SNTG1: variants seen among roughly 807,000 people sequenced by gnomAD.
The protein encoded by SNTG1 is syntrophin gamma 1.
Under a neutral mutation model 74.7 loss-of-function variants are expected in SNTG1, and 39 were observed. The observed-to-expected ratio is 0.52, with a 90% confidence interval of 0.40 to 0.68. The LOEUF is 0.68. Among genes scored for constraint, SNTG1 ranks in the 30% least tolerant of loss-of-function variants. The pLI, the probability that SNTG1 is intolerant of heterozygous loss-of-function variation, is 0.00. For synonymous variants in SNTG1, 254 were observed against 217.1 expected (o/e 1.17, Z -1.49); for missense variants, 685 against 609.5 (o/e 1.12, Z -1.30).
At chr8:50,285,577 T>C (rs12676033) in intron 2 of SNTG1, among the ~76,000 whole-genome samples, 128,125 of 152,018 alleles carry the variant, frequency 0.84, 55,523 homozygotes, top group East Asian at 1. Flanking sequence ...GCATATATCA[T>C]GCACCAACCT....
chr8:50,589,280 T>G (rs10108554), intron 12 of SNTG1, among the ~76,000 whole-genome samples: 30,997 of 151,994 alleles, frequency 0.2, 7,466 homozygotes, highest in African/African-American at 0.58. Context: ...AACAAAAAAT[T>G]ATAATATAAC....
At chr8:50,519,914 T>A (rs1387877881) in intron 9 of SNTG1, among the ~76,000 whole-genome samples, 1 of 151,846 alleles carries the variant, frequency 6.6e-6, no homozygotes, top group East Asian at 1.9e-4. Flanking sequence ...CCATTGACTT[T>A]CTTCACAGAA....
chr8:50,545,485 T>TCTATAA (rs1338362415), intron 11 of SNTG1, among the ~76,000 whole-genome samples: 6 of 139,456 alleles, frequency 4.3e-5, no homozygotes, highest in African/African-American at 1.7e-4. Context: ...ATATACATGT[T>TCTATAA]ATATAAATAT....
chr8:50,476,857 G>GACACACACACACACACACACACACAC (rs59121229), intron 8 of SNTG1, among the ~76,000 whole-genome samples: 1 of 145,862 alleles, frequency 6.9e-6, no homozygotes, highest in Admixed American at 7.0e-5. Context: ...GACACACACA[G>GACACACACACACACACACACACACAC]ACACACACAC....
At chr8:50,230,089 G>A (rs1278609490) in intron 2 of SNTG1, among the ~76,000 whole-genome samples, 2 of 151,446 alleles carry the variant, frequency 1.3e-5, no homozygotes, top group Non-Finnish European at 3.0e-5. Flanking sequence ...GCAATGTCTA[G>A]AGGGTGATTT....
At chr8:50,513,329 G>T (rs915883486) in intron 9 of SNTG1, among the ~76,000 whole-genome samples, 2 of 152,158 alleles carry the variant, frequency 1.3e-5, no homozygotes, top group African/African-American at 2.4e-5. Context: ...TGCCCCTACT[G>T]GGGGGTGCCT....
chr8:50,536,572 G>T lies in SNTG1; in HGVS notation c.550-106G>T, dbSNP rs2094308656. On this transcript the variant is annotated intron_variant, in intron 10 of 18. Coordinates refer to ENST00000642720, the MANE Select transcript of SNTG1 (RefSeq NM_018967.5). Reference sequence around the variant, plus strand: ...TCATGGTATTCCATTAAAGTCTTTTGATCATTTAGGGGAAAAATAATATCC... The same window carrying T: ...TCATGGTATTCCATTAAAGTCTTTTTATCATTTAGGGGAAAAATAATATCC... The T allele has an allele frequency of 4.4e-6, 6 of 1,364,512 alleles. No homozygotes were observed. In the South Asian group the frequency reaches 7.4e-5, roughly 17 times the overall value. The allele number at this position is 1,364,512 out of a possible 1,614,324, so 84.5% of individuals were successfully genotyped here.
intron 1 of SNTG1, among the ~76,000 whole-genome samples, chr8:49,951,871 C>A (rs1226609681): frequency 1.5e-4 from 3 of 20,410 alleles, no homozygotes; most frequent in East Asian, 3.3e-3. Flanking sequence ...CTGGAAAATT[C>A]ACAAAAAAAA....
chr8:50,224,392 C>A (rs1379258731), intron 2 of SNTG1, among the ~76,000 whole-genome samples: 1 of 152,308 alleles, frequency 6.6e-6, no homozygotes, highest in Non-Finnish European at 1.5e-5. Flanking sequence ...AACAGACATG[C>A]TTTTACTAAA....
At chr8:49,971,542 G>T (rs1303044788) in intron 1 of SNTG1, among the ~76,000 whole-genome samples, 4 of 152,072 alleles carry the variant, frequency 2.6e-5, no homozygotes, top group Non-Finnish European at 5.9e-5. Context: ...AGGAAATAAA[G>T]GGTATTCAAT....
At chr8:50,345,347 G>T (rs558909498) in intron 2 of SNTG1, among the ~76,000 whole-genome samples, 1 of 152,246 alleles carries the variant, frequency 6.6e-6, no homozygotes, top group South Asian at 2.1e-4. Context: ...CTTGCCTGAG[G>T]CTCTGTTTTA....
At chr8:50,472,449 T>A in intron 8 of SNTG1, among the ~76,000 whole-genome samples, 1 of 152,090 alleles carries the variant, frequency 6.6e-6, no homozygotes, top group East Asian at 1.9e-4. Flanking sequence ...ACAAATGGTG[T>A]TGGGAAAACT....
chr8:50,436,625 A>G (rs2093306331), intron 4 of SNTG1, among the ~76,000 whole-genome samples: 2 of 152,168 alleles, frequency 1.3e-5, no homozygotes, highest in African/African-American at 4.8e-5. Flanking sequence ...AGTTGTATGA[A>G]GCTGTAGCTA....
intron 13 of SNTG1, among the ~76,000 whole-genome samples, chr8:50,632,798 T>A (rs2095011145): frequency 6.6e-6 from 1 of 152,166 alleles, no homozygotes; most frequent in South Asian, 2.1e-4. Context: ...AAAATGTGAT[T>A]ATGTGGCAGG....
intron 2 of SNTG1, among the ~76,000 whole-genome samples, chr8:50,236,939 T>A (rs1033141875): frequency 2.0e-5 from 3 of 152,176 alleles, no homozygotes. Flanking sequence ...GTTCAGTGTG[T>A]GTATCTAAAA....
At chr8:50,651,148 C>T (rs1460949681) in intron 13 of SNTG1, among the ~76,000 whole-genome samples, 1 of 151,896 alleles carries the variant, frequency 6.6e-6, no homozygotes, top group South Asian at 2.1e-4. Flanking sequence ...TCTCTCTTAA[C>T]AATTATTTTT....
At chr8:50,469,645 T>C (rs1380423440) in intron 8 of SNTG1, among the ~76,000 whole-genome samples, 1 of 152,164 alleles carries the variant, frequency 6.6e-6, no homozygotes, top group Non-Finnish European at 1.5e-5. Context: ...TCCCCTGATC[T>C]CTTCATGGTT....
At chr8:50,068,573 A>G (rs1821092275) in intron 1 of SNTG1, among the ~76,000 whole-genome samples, 1 of 152,170 alleles carries the variant, frequency 6.6e-6, no homozygotes. Flanking sequence ...CCCCTGAGCT[A>G]GGTTTTCCAG....
At chr8:50,061,323 G>A (rs183168121) in intron 1 of SNTG1, among the ~76,000 whole-genome samples, 2 of 152,098 alleles carry the variant, frequency 1.3e-5, no homozygotes, top group East Asian at 3.9e-4. Context: ...TGTTTATAGT[G>A]TTCCACAATT....
Sources: allele counts gnomAD v4.1 joint callset (sites outside exome capture counted in the v4.1 genomes callset), GRCh38; gene constraint gnomAD v4.1.1; transcripts MANE v1.5; gene names NCBI Gene and HGNC (gene_info 2026-07-23, HGNC 2026-07-21).